PDE9A: variants seen among roughly 807,000 people sequenced by gnomAD.
PDE9A encodes the protein high affinity cGMP-specific 3',5'-cyclic phosphodiesterase 9A.
PDE9A carries 60 observed loss-of-function variants against 87.4 expected under a neutral mutation model. That is an observed-to-expected ratio of 0.69 (90% confidence interval 0.56 to 0.85). The LOEUF (loss-of-function observed/expected upper bound fraction) is 0.85. Ranked by LOEUF, PDE9A falls within the 40% of genes least tolerant of loss-of-function variation. PDE9A has a pLI of 0.00. For synonymous variants in PDE9A, 272 were observed against 279.4 expected (o/e 0.97, Z 0.27); for missense variants, 665 against 779.0 (o/e 0.85, Z 1.74).
intron 1 of PDE9A, among the ~76,000 whole-genome samples, chr21:42,665,884 C>T (rs530641633): frequency 6.6e-6 from 1 of 152,298 alleles, no homozygotes; most frequent in South Asian, 2.1e-4. Flanking sequence ...GTGGCTCCAC[C>T]GTCTATCCCT....
intron 1 of PDE9A, among the ~76,000 whole-genome samples, chr21:42,685,756 C>T (rs62215395): frequency 6.6e-6 from 1 of 152,146 alleles, no homozygotes; most frequent in African/African-American, 2.4e-5. Flanking sequence ...GCGTGAGCCA[C>T]CGCGCCCGGC....
chr21:42,665,480 C>T, intron 1 of PDE9A, among the ~76,000 whole-genome samples: 1 of 152,160 alleles, frequency 6.6e-6, no homozygotes, highest in South Asian at 2.1e-4. Flanking sequence ...CAAGGGAGCT[C>T]ACCAAAGCCC....
chr21:42,683,528 G>A (rs1205003099), intron 1 of PDE9A, among the ~76,000 whole-genome samples: 1 of 152,176 alleles, frequency 6.6e-6, no homozygotes, highest in East Asian at 1.9e-4. Flanking sequence ...CCAGGAGTAA[G>A]AAGCAGTCAA....
In PDE9A at chr21:42,653,719, C is replaced by G. The variant is rs1029992693; in HGVS notation, c.-96C>G. 1 of 348,622 alleles carries G rather than the reference C, an allele frequency of 2.9e-6. No individual in the cohort carries two copies. 21.6% of individuals were successfully genotyped at this position (348,622 alleles called of 1,614,324 possible). A position where few individuals can be genotyped will look rare whatever the true frequency, so the allele number is the denominator to read the frequency against. On this transcript the variant is annotated 5_prime_UTR_variant, in exon 1 of 20. Coordinates refer to ENST00000291539, the MANE Select transcript of PDE9A (RefSeq NM_002606.3). ...TGGCTGAGCGCCGCGGGCCGCCCCCCGCCCGCCCCCTCCCCTGCTCCCCTC... is the reference window on the plus strand; with the variant it reads ...TGGCTGAGCGCCGCGGGCCGCCCCCGGCCCGCCCCCTCCCCTGCTCCCCTC...
intron 8 of PDE9A, among the ~76,000 whole-genome samples, chr21:42,746,719 T>C (rs1023217979): frequency 2.6e-5 from 4 of 152,188 alleles, no homozygotes; most frequent in African/African-American, 9.6e-5. Context: ...TTTCAGAGCT[T>C]GCAGAGGAAG....
chr21:42,668,059 G>A (rs930099368), intron 1 of PDE9A, among the ~76,000 whole-genome samples: 6 of 152,082 alleles, frequency 3.9e-5, no homozygotes, highest in African/African-American at 9.7e-5. Flanking sequence ...CTGCCTCCCC[G>A]CTGGGGTGTC....
chr21:42,772,591 G>GA, intron 19 of PDE9A, 71 bp downstream of exon 19: 1 of 1,091,358 alleles, frequency 9.2e-7, no homozygotes, highest in Non-Finnish European at 1.4e-6. Flanking sequence ...AAGGAAAGAG[G>GA]AAGGGGAGAA....
intron 1 of PDE9A, 53 bp from the exon 2 acceptor site, chr21:42,686,139 T>C (rs1304889525): frequency 2.1e-6 from 3 of 1,410,074 alleles, no homozygotes; most frequent in Non-Finnish European, 3.0e-6. Flanking sequence ...GTCTGACGTC[T>C]CCAGGGAGAC....
chr21:42,654,589 C>G (rs1454658176), intron 1 of PDE9A, among the ~76,000 whole-genome samples: 1 of 152,176 alleles, frequency 6.6e-6, no homozygotes, highest in South Asian at 2.1e-4. Context: ...CAGGGAAAAG[C>G]CATTGTGAGG....
chr21:42,677,711 T>C (rs1458539190), intron 1 of PDE9A, among the ~76,000 whole-genome samples: 1 of 152,164 alleles, frequency 6.6e-6, no homozygotes, highest in East Asian at 1.9e-4. Flanking sequence ...GGCACAATCT[T>C]GGCTCACCGC....
At chr21:42,685,580 G>C (rs911027217) in intron 1 of PDE9A, among the ~76,000 whole-genome samples, 2 of 149,966 alleles carry the variant, frequency 1.3e-5, no homozygotes, top group African/African-American at 4.9e-5. Flanking sequence ...GATTCTCCCG[G>C]CTCAGCCTCC....
At chr21:42,686,338 G>C in intron 2 of PDE9A, 76 bp downstream of exon 2, 1 of 1,216,852 alleles carries the variant, frequency 8.2e-7, no homozygotes. Context: ...GGGAGGGGCG[G>C]GAAGAGGCGC....
At chr21:42,666,114 G>A (rs1468540802) in intron 1 of PDE9A, among the ~76,000 whole-genome samples, 1 of 152,178 alleles carries the variant, frequency 6.6e-6, no homozygotes, top group Non-Finnish European at 1.5e-5. Context: ...GTGGGGGCGT[G>A]GCCACCAGTG....
chr21:42,727,677 T>G (rs931296830), intron 4 of PDE9A, among the ~76,000 whole-genome samples: 1 of 152,052 alleles, frequency 6.6e-6, no homozygotes, highest in African/African-American at 2.4e-5. Flanking sequence ...TCATTGCTAG[T>G]ATATACAATT....
rs1447445006 is a variant in PDE9A at position 42,705,321 on chromosome 21, T to A, written c.262+6310T>A. 4.6e-5 allele frequency among the ~76,000 whole-genome samples: 7 copies of A among 152,232 alleles called. No individual in the cohort carries two copies. Among genetic ancestry groups the A allele is most frequent in the Non-Finnish European group, 1.0e-4 (7 of 68,030 alleles). Reference sequence around the variant, plus strand: ...ATAGTGCTGATTTTTTGGAAAATCCTTGAGCCTCAATCACTTTTATTTGAT... The same window carrying A: ...ATAGTGCTGATTTTTTGGAAAATCCATGAGCCTCAATCACTTTTATTTGAT... On this transcript the variant is annotated intron_variant, in intron 4 of 19. Coordinates refer to ENST00000291539, the MANE Select transcript of PDE9A (RefSeq NM_002606.3). This position sits in a 1 kb window ranked among gnomAD's most constrained non-coding sequence, Gnocchi z 4.3.
At chr21:42,693,512 G>A (rs900502361) in intron 3 of PDE9A, among the ~76,000 whole-genome samples, 11 of 150,958 alleles carry the variant, frequency 7.3e-5, no homozygotes, top group African/African-American at 2.0e-4. Flanking sequence ...GGATGATCAC[G>A]ATCTCCTGAC....
At chr21:42,758,756 G>T in intron 10 of PDE9A, 1 of 460,542 alleles carries the variant, frequency 2.2e-6, no homozygotes, top group South Asian at 3.1e-5. Context: ...CCACCTGCCA[G>T]GAGACCCCCA....
chr21:42,674,349 T>C (rs372838059), intron 1 of PDE9A, among the ~76,000 whole-genome samples: 1 of 146,630 alleles, frequency 6.8e-6, no homozygotes, highest in African/African-American at 2.6e-5. Flanking sequence ...AGGGTCTCCA[T>C]TTGTGGCCCA....
intron 4 of PDE9A, chr21:42,724,745 G>A: frequency 4.1e-6 from 1 of 245,442 alleles, no homozygotes; most frequent in East Asian, 1.8e-4. Flanking sequence ...TGGCGCATTG[G>A]CCGAGGTGTG....
Sources: allele counts gnomAD v4.1 joint callset (sites outside exome capture counted in the v4.1 genomes callset), GRCh38; gene constraint gnomAD v4.1.1; non-coding constraint Gnocchi (gnomAD v3.1); transcripts MANE v1.5; gene names NCBI Gene and HGNC (gene_info 2026-07-23, HGNC 2026-07-21).